CRABP1: variants seen among roughly 807,000 people sequenced by gnomAD.
CRABP1 encodes the protein cellular retinoic acid-binding protein 1.
A neutral mutation model predicts 16.4 loss-of-function variants in CRABP1; 9 were observed. That is an observed-to-expected ratio of 0.55 (90% CI 0.33 to 0.96). The LOEUF is 0.96. Ranked by LOEUF, CRABP1 falls within the 40% of genes least tolerant of loss-of-function variation. The pLI, the probability that CRABP1 is intolerant of heterozygous loss-of-function variation, is 0.03. For synonymous variants in CRABP1, 72 were observed against 70.4 expected (o/e 1.02, Z -0.11); for missense variants, 157 against 186.0 (o/e 0.84, Z 0.91).
chr15:78,340,511 A>C lies in CRABP1; in HGVS notation c.70+13A>C. The C allele has an allele frequency of 1.9e-6, 3 of 1,604,322 alleles. No homozygotes were observed. Among genetic ancestry groups the C allele is most frequent in the Non-Finnish European group, 2.6e-6 (3 of 1,176,328 alleles). ...CTCAAGGCACTGGGTAAGCTGGTGC[A>C]GAGGGCGCGCCCCGACGGGGAGATG... is the stretch of plus-strand genomic sequence containing the variant. On this transcript the variant is annotated intron_variant, in intron 1 of 3. Coordinates refer to ENST00000299529, the MANE Select transcript of CRABP1 (RefSeq NM_004378.3).
At chr15:78,343,984 T>C (rs1428594839) in intron 3 of CRABP1, among the ~76,000 whole-genome samples, 2 of 152,192 alleles carry the variant, frequency 1.3e-5, no homozygotes, top group Non-Finnish European at 2.9e-5. Context: ...TTTTTTTTCA[T>C]TCTCATTCCC....
In CRABP1 at chr15:78,347,945, G is replaced by A. The variant is rs185656115; in HGVS notation, c.382G>A (p.Val128Met). 14 of 1,614,116 alleles carry A rather than the reference G, an allele frequency of 8.7e-6. No individual in the cohort carries two copies. The highest frequency in any genetic ancestry group is 4.4e-5 in the South Asian group (4 of 91,080). The stretch of plus-strand genomic sequence containing the variant: ...TCTGCAGACGTTTGGCGCCGATGAC[G>A]TGGTCTGCACCAGAATTTATGTCCG... ...ELILTFGADD[V>M]VCTRIYVRE The change falls in exon 4 of 4, where the codon GTG becomes ATG. Residue 128 changes from valine to methionine, a missense_variant. Val to Met is a conservative substitution (Grantham distance 21). Coordinates refer to ENST00000299529, the MANE Select transcript of CRABP1 (RefSeq NM_004378.3).
intron 3 of CRABP1, 75 bp downstream of exon 3, chr15:78,343,687 C>T (rs949761594): frequency 2.2e-5 from 23 of 1,052,120 alleles, no homozygotes; most frequent in South Asian, 2.7e-5. Flanking sequence ...ACAAATATGT[C>T]CTCCTCACTC....
chr15:78,345,433 G>A (rs930878877), intron 3 of CRABP1, among the ~76,000 whole-genome samples: 3 of 152,140 alleles, frequency 2.0e-5, no homozygotes, highest in Non-Finnish European at 4.4e-5. Context: ...TGCTGGGCTT[G>A]GGGGAGCAAT....
intron 3 of CRABP1, among the ~76,000 whole-genome samples, chr15:78,344,306 C>T (rs1453496772): frequency 1.3e-5 from 2 of 152,046 alleles, no homozygotes; most frequent in South Asian, 2.1e-4. Context: ...ACTAAAAATA[C>T]AAAATTAGCC....
chr15:78,340,692 C>T, intron 1 of CRABP1, 194 bp downstream of exon 1: 1 of 659,542 alleles, frequency 1.5e-6, no homozygotes, highest in Non-Finnish European at 2.6e-6. Flanking sequence ...GGAACCCACG[C>T]GTTCAGCGAA....
At chr15:78,343,382 C>A in intron 2 of CRABP1, 117 bp from the exon 3 acceptor site, 1 of 779,470 alleles carries the variant, frequency 1.3e-6, no homozygotes, top group Non-Finnish European at 2.1e-6. Flanking sequence ...CTGTGGCCTG[C>A]TGACAGGGAC....
chr15:78,344,478 C>G (rs564957431), intron 3 of CRABP1, among the ~76,000 whole-genome samples: 1 of 151,284 alleles, frequency 6.6e-6, no homozygotes, highest in Non-Finnish European at 1.5e-5. Flanking sequence ...AGTATTCAGA[C>G]GAAAACATTT....
At chr15:78,342,613 G>A (rs1371545002) in intron 2 of CRABP1, among the ~76,000 whole-genome samples, 2 of 152,170 alleles carry the variant, frequency 1.3e-5, no homozygotes, top group Non-Finnish European at 2.9e-5. Flanking sequence ...AAAGCATGAA[G>A]AGCCTTCAGA....
chr15:78,347,209 A>G (rs1366747255), intron 3 of CRABP1, among the ~76,000 whole-genome samples: 2 of 152,046 alleles, frequency 1.3e-5, no homozygotes, highest in Non-Finnish European at 2.9e-5. Context: ...GAGCCATAGA[A>G]TTTTAGCTGG....
chr15:78,340,400 C>G lies in CRABP1; in HGVS notation c.-29C>G, dbSNP rs1248959770. On this transcript the variant is annotated 5_prime_UTR_variant, in exon 1 of 4. Transcript: ENST00000299529. The stretch of plus-strand genomic sequence containing the variant: ...AGTGTGCCCGCTGCGCCGCCGCTGT[C>G]CGTACCTGCCGCCGCCGCCACCGCC... The G allele has an allele frequency of 1.3e-6, 2 of 1,572,324 alleles. No individual in the cohort carries two copies.
Position 78,347,910 on chromosome 15 carries a change from TTTC to T in CRABP1, c.364-9_364-7del, listed in dbSNP as rs764768369. 2.7e-5 allele frequency: 43 copies of T among 1,613,960 alleles called. No individual in the cohort carries two copies. Among genetic ancestry groups the T allele is most frequent in the East Asian group, 6.7e-5 (3 of 44,882 alleles). The stretch of plus-strand genomic sequence containing the variant: ...GGCATCTGCACTGATTGGTTTTCCT[TTTC>T]TTCTTCTCTGCAGACGTTTGGCGCC... On this transcript the variant is annotated splice_polypyrimidine_tract_variant and intron_variant, in intron 3 of 3. Coordinates refer to ENST00000299529, the MANE Select transcript of CRABP1 (RefSeq NM_004378.3).
At chr15:78,344,169 A>T (rs2050251674) in intron 3 of CRABP1, among the ~76,000 whole-genome samples, 1 of 152,118 alleles carries the variant, frequency 6.6e-6, no homozygotes, top group Non-Finnish European at 1.5e-5. Flanking sequence ...GCCCCTGTAG[A>T]ACTAAAAAAG....
chr15:78,340,367 G>C lies in CRABP1; in HGVS notation c.-62G>C. On this transcript the variant is annotated 5_prime_UTR_variant, in exon 1 of 4. Transcript: ENST00000299529. ...CGCAAAGCGCCAGTCTCCGCCTTGCGAGCTCAGAGTGTGCCCGCTGCGCCG... is the reference window on the plus strand; with the variant it reads ...CGCAAAGCGCCAGTCTCCGCCTTGCCAGCTCAGAGTGTGCCCGCTGCGCCG... 2.6e-6 allele frequency: 4 copies of C among 1,542,312 alleles called. No homozygotes were observed. Among genetic ancestry groups the C allele is most frequent in the Non-Finnish European group, 3.5e-6 (4 of 1,141,836 alleles).
intron 3 of CRABP1, among the ~76,000 whole-genome samples, chr15:78,347,638 A>G (rs1021221576): frequency 6.6e-6 from 1 of 152,176 alleles, no homozygotes; most frequent in Non-Finnish European, 1.5e-5. Context: ...TTTCAGTTTA[A>G]TTTTAAAACC....
At chr15:78,346,153 C>T (rs1181849349) in intron 3 of CRABP1, among the ~76,000 whole-genome samples, 6 of 152,164 alleles carry the variant, frequency 3.9e-5, no homozygotes, top group African/African-American at 1.2e-4. Context: ...ATGCTGGCAG[C>T]CATTTGACAA....
rs1204819060 is a variant in CRABP1, at chr15:78,343,483, G to A, written c.250-16G>A. 4 of 1,603,286 alleles carry A rather than the reference G, an allele frequency of 2.5e-6. No homozygotes were observed. Among genetic ancestry groups the A allele is most frequent in the Admixed American group, 1.7e-5 (1 of 59,878 alleles). On this transcript the variant is annotated splice_polypyrimidine_tract_variant and intron_variant, in intron 2 of 3. Coordinates refer to ENST00000299529, the MANE Select transcript of CRABP1 (RefSeq NM_004378.3). ...GAGACTCTAATTAATGTCACTAATG[G>A]TTTTCCCGCCTGCAGAGTTTAGCCA... is the stretch of plus-strand genomic sequence containing the variant.
At position 78,341,671 on chromosome 15, in the gene CRABP1, G is replaced by C; in HGVS notation, c.249+450G>C. 1 of 281,238 alleles carries C rather than the reference G, an allele frequency of 3.6e-6. No homozygotes were observed. Among genetic ancestry groups the C allele is most frequent in the Non-Finnish European group, 7.0e-6 (1 of 142,458 alleles). 17.4% of individuals were successfully genotyped at this position (281,238 alleles called of 1,614,324 possible). On this transcript the variant is annotated intron_variant, in intron 2 of 3. Coordinates refer to ENST00000299529, the MANE Select transcript of CRABP1 (RefSeq NM_004378.3). This position sits in a 1 kb window ranked among gnomAD's most constrained non-coding sequence, Gnocchi z 5.3. ...CCCTGGGCCGCCTGGGTACGCTCTG[G>C]ATACAGTTTTAGCAGTCCCGATGGC...
In CRABP1 at chr15:78,340,892, GTC is replaced by G. The variant is rs2050229068; in HGVS notation, c.71-146_71-145del. The G allele has an allele frequency of 3.8e-6, 3 of 786,140 alleles. No homozygotes were observed. The African/African-American group carries it at 5.2e-5, about 14-fold the overall frequency. The allele number at this position is 786,140 out of a possible 1,614,324, so 48.7% of individuals were successfully genotyped here. A position where few individuals can be genotyped will look rare whatever the true frequency, so the allele number is the denominator to read the frequency against. The stretch of plus-strand genomic sequence containing the variant: ...AGTCACTTACCCTCTCTGTGCCTCA[GTC>G]TCTCATCTCGAAAACAAGGGCGAGG... On this transcript the variant is annotated intron_variant, in intron 1 of 3. Coordinates refer to ENST00000299529, the MANE Select transcript of CRABP1 (RefSeq NM_004378.3).
Sources: gnomAD v4.1 joint callset for allele counts (sites outside exome capture counted in the v4.1 genomes callset) on GRCh38, gnomAD v4.1.1 for gene constraint, Gnocchi (gnomAD v3.1) non-coding constraint, MANE v1.5 for transcripts, NCBI Gene and HGNC (gene_info 2026-07-23, HGNC 2026-07-21) for gene names.